The following CTBP2 variants were observed in gnomAD, a reference collection of about 807,000 sequenced individuals.
CTBP2 encodes the protein C-terminal binding protein 2.
Under a neutral mutation model 80.3 loss-of-function variants are expected in CTBP2, and 30 were observed. The observed-to-expected ratio is 0.37, with a 90% CI of 0.28 to 0.51. The LOEUF is 0.51. Ranked by LOEUF, CTBP2 falls within the 20% of genes least tolerant of loss-of-function variation. The pLI, the probability that CTBP2 is intolerant of heterozygous loss-of-function variation, is 0.93. For synonymous variants in CTBP2, 594 were observed against 587.4 expected, an observed-to-expected ratio of 1.01 and a Z score of -0.16; for missense variants, 1,212 against 1,375.3, an observed-to-expected ratio of 0.88 and a Z score of 1.88.
chr10:125,149,483 T>C (rs1859421202), intron 1 of CTBP2, among the ~76,000 whole-genome samples: 1 of 152,074 alleles, frequency 6.6e-6, no homozygotes, highest in Non-Finnish European at 1.5e-5. Context: ...GACTGATTTG[T>C]CAAGAGACTC....
intron 2 of CTBP2, among the ~76,000 whole-genome samples, chr10:125,090,781 C>T (rs1377438482): frequency 1.3e-5 from 2 of 151,652 alleles, no homozygotes; most frequent in Admixed American, 1.3e-4. Context: ...AATAACAAAA[C>T]AAAACAAAAC....
chr10:125,090,291 A>AT (rs1236526555), intron 2 of CTBP2, among the ~76,000 whole-genome samples: 1 of 150,818 alleles, frequency 6.6e-6, no homozygotes, highest in Non-Finnish European at 1.5e-5. Flanking sequence ...GGCTCAAAAA[A>AT]AAAAAAAAAA....
At chr10:125,038,875 T>C (rs1446874736) in intron 3 of CTBP2, 122 bp downstream of exon 3, 6 of 943,190 alleles carry the variant, frequency 6.4e-6, no homozygotes, top group Non-Finnish European at 9.9e-6. Context: ...TGGTATGCAG[T>C]GTTGGAATCG....
Position 125,090,285 on chromosome 10 carries a change from C to CAAAAAAAAAA in CTBP2, c.-102+20695_-102+20704dup, listed in dbSNP as rs56714830. ...TCTGGGCGACAGAGAGTCCCTGGCT[C>CAAAAAAAAAA]AAAAAAAAAAAAAAAAAGGTTGGGG... On this transcript the variant is annotated intron_variant, in intron 2 of 10. Transcript: ENST00000337195. Among the ~76,000 whole-genome samples the CAAAAAAAAAA allele has an allele frequency of 1.3e-3, 87 of 65,396 alleles. 5 individuals are homozygous for CAAAAAAAAAA. Among genetic ancestry groups the CAAAAAAAAAA allele is most frequent in the African/African-American group, 5.0e-3 (72 of 14,460 alleles). 42.9% of individuals were successfully genotyped at this position (65,396 alleles called of 152,430 possible). A position where few individuals can be genotyped will look rare whatever the true frequency, so the allele number is the denominator to read the frequency against.
intron 1 of CTBP2, among the ~76,000 whole-genome samples, chr10:125,154,649 T>G (rs1356124471): frequency 1.5e-5 from 1 of 68,212 alleles, no homozygotes; most frequent in Non-Finnish European, 2.8e-5. Context: ...CGAGTGTCGT[T>G]GCTAAAAAAA....
At chr10:125,002,802 C>T (rs555042916) in intron 3 of CTBP2, among the ~76,000 whole-genome samples, 158 bp downstream of exon 5, 2 of 152,324 alleles carry the variant, frequency 1.3e-5, no homozygotes, top group East Asian at 1.9e-4. Context: ...AAGGCAGGGC[C>T]GCAAGGTGCT....
At chr10:125,060,732 G>T (rs1265246974) in intron 2 of CTBP2, among the ~76,000 whole-genome samples, 1 of 152,230 alleles carries the variant, frequency 6.6e-6, no homozygotes, top group Non-Finnish European at 1.5e-5. Context: ...AGGAGAGATT[G>T]CAGATGGATA....
chr10:125,067,282 GC>G (rs1441476395), intron 2 of CTBP2, among the ~76,000 whole-genome samples: 1 of 152,134 alleles, frequency 6.6e-6, no homozygotes, highest in Non-Finnish European at 1.5e-5. Flanking sequence ...AACTGCCACC[GC>G]CATGTGGGGC....
At chr10:125,087,724 C>T (rs1358950665) in intron 2 of CTBP2, among the ~76,000 whole-genome samples, 2 of 152,204 alleles carry the variant, frequency 1.3e-5, no homozygotes, top group Admixed American at 6.5e-5. Context: ...GATGCTTCAA[C>T]GCCGACTCCC....
At chr10:125,095,775 A>T (rs1849453155) in intron 2 of CTBP2, among the ~76,000 whole-genome samples, 1 of 152,208 alleles carries the variant, frequency 6.6e-6, no homozygotes, top group Non-Finnish European at 1.5e-5. Flanking sequence ...AGCTTTGCAG[A>T]CAGCACAGTT....
At chr10:125,146,858 T>C (rs1458220611) in intron 1 of CTBP2, among the ~76,000 whole-genome samples, 1 of 152,188 alleles carries the variant, frequency 6.6e-6, no homozygotes, top group Non-Finnish European at 1.5e-5. Context: ...GCCTGGCCCC[T>C]AGTGGGTGCT....
chr10:124,999,705 G>C (rs112503155), intron 3 of CTBP2: 3 of 152,278 alleles, frequency 2.0e-5, no homozygotes, highest in African/African-American at 7.2e-5. Context: ...TGGATGCCAG[G>C]AATCTTGCAG....
intron 2 of CTBP2, among the ~76,000 whole-genome samples, chr10:125,074,786 C>T (rs1368822759): frequency 2.0e-5 from 3 of 152,192 alleles, no homozygotes; most frequent in African/African-American, 7.2e-5. Flanking sequence ...TGGCCCTTCT[C>T]AACAACTTGG....
At chr10:125,132,749 C>T (rs554071310) in intron 1 of CTBP2, among the ~76,000 whole-genome samples, 11 of 152,314 alleles carry the variant, frequency 7.2e-5, no homozygotes, top group African/African-American at 2.4e-4. Flanking sequence ...ATCTGCACAG[C>T]ACTTTACCAA....
At chr10:125,126,677 C>T (rs930150179) in intron 1 of CTBP2, among the ~76,000 whole-genome samples, 2 of 152,252 alleles carry the variant, frequency 1.3e-5, no homozygotes, top group Admixed American at 1.3e-4. Flanking sequence ...CTATCTGCTC[C>T]CCTAGGCGCC....
rs76270264 is a variant in CTBP2 at position 125,130,651 on chromosome 10, T to C, written c.-205-19558A>G. Among the ~76,000 whole-genome samples, 113 of 152,340 alleles carry C rather than the reference T, an allele frequency of 7.4e-4. 2 individuals carry two copies. The East Asian group carries it at 0.019, about 26-fold the overall frequency. ...TACATGCAACTTCCCAGTTAAAATA[T>C]AGTGCGTGGACACTGGAAAAGGTCA... is the stretch of plus-strand genomic sequence containing the variant. On this transcript the variant is annotated intron_variant, in intron 1 of 10. Coordinates refer to the CTBP2 transcript ENST00000337195.
upstream of CTBP2, among the ~76,000 whole-genome samples, chr10:125,031,205 T>C (rs1958148415): frequency 6.6e-6 from 1 of 152,116 alleles, no homozygotes; most frequent in African/African-American, 2.4e-5. Context: ...AAAGTTTTCT[T>C]GGGCCGGGTG....
In CTBP2 at chr10:125,084,354, A is replaced by G. The variant is rs533050783; in HGVS notation, c.-102+26636T>C. On this transcript the variant is annotated intron_variant, in intron 2 of 10. Coordinates refer to the CTBP2 transcript ENST00000337195. ...CGGAGAACGGTCCAGTCATCCTTCT[A>G]TTTCGAGCCAACAGCAGCCCCGTGG... 2.6e-5 allele frequency among the ~76,000 whole-genome samples: 4 copies of G among 152,274 alleles called. No individual in the cohort carries two copies. The East Asian group carries it at 5.8e-4, about 22-fold the overall frequency.
intron 1 of CTBP2, among the ~76,000 whole-genome samples, chr10:125,150,085 G>C (rs1161091526): frequency 6.6e-6 from 1 of 152,130 alleles, no homozygotes; most frequent in Non-Finnish European, 1.5e-5. Context: ...CCTGTCTCTT[G>C]ACCCCCAACT....
Sources: gnomAD v4.1 joint callset for allele counts (sites outside exome capture counted in the v4.1 genomes callset) on GRCh38, gnomAD v4.1.1 for gene constraint, MANE v1.5 for transcripts, NCBI Gene and HGNC (gene_info 2026-07-23, HGNC 2026-07-21) for gene names.